Variants in STARD9 observed in about 807,000 individuals in gnomAD.
The protein encoded by STARD9 is stAR-related lipid transfer protein 9.
Under a neutral mutation model 399.8 loss-of-function variants are expected in STARD9, and 346 were observed. That is an observed-to-expected ratio of 0.87 (90% CI 0.79 to 0.95). The LOEUF (loss-of-function observed/expected upper bound fraction) is 0.95, where lower values mean the gene tolerates loss of function less well. Ranked by LOEUF, STARD9 falls within the 40% of genes least tolerant of loss-of-function variation. The pLI is 0.00. For missense variants in STARD9, 5,832 were observed against 5,667.5 expected (o/e 1.03, Z -0.93); for synonymous variants, 2,203 against 2,143.5 (o/e 1.03, Z -0.77).
At chr15:42,713,140 TAA>T (rs1262127788) in intron 26 of STARD9, among the ~76,000 whole-genome samples, 3 of 152,252 alleles carry the variant, frequency 2.0e-5, no homozygotes, top group African/African-American at 7.2e-5. Flanking sequence ...TTTCAGAGTA[TAA>T]GTTTTATGCT....
At chr15:42,590,935 C>G (rs2058380961) in intron 3 of STARD9, among the ~76,000 whole-genome samples, 1 of 152,186 alleles carries the variant, frequency 6.6e-6, no homozygotes, top group African/African-American at 2.4e-5. Context: ...CATTGGGGGT[C>G]ACATTTCAAC....
At chr15:42,615,215 G>A (rs1027710534) in intron 3 of STARD9, among the ~76,000 whole-genome samples, 7 of 151,842 alleles carry the variant, frequency 4.6e-5, no homozygotes, top group African/African-American at 1.7e-4. Context: ...TCACTATGTT[G>A]GCCAGTCTGG....
At chr15:42,694,919 C>T (rs2060808193) in intron 24 of STARD9, among the ~76,000 whole-genome samples, 194 bp downstream of exon 24, 1 of 152,154 alleles carries the variant, frequency 6.6e-6, no homozygotes, top group African/African-American at 2.4e-5. Context: ...GACAGAAGGG[C>T]TCTGACATGC....
intron 16 of STARD9, chr15:42,673,920 C>T (rs2060255685): frequency 2.2e-6 from 1 of 456,292 alleles, no homozygotes; most frequent in Admixed American, 2.4e-5. Flanking sequence ...TTTTACCCTT[C>T]TTAGAATCTG....
chr15:42,604,626 A>ATTTTTTT (rs11349330), intron 3 of STARD9, among the ~76,000 whole-genome samples: 1 of 54,746 alleles, frequency 1.8e-5, no homozygotes, highest in African/African-American at 5.8e-5. Context: ...GATCAAATTG[A>ATTTTTTT]TTTTTTTTTT....
At chr15:42,581,472 C>G (rs1192747710) in intron 1 of STARD9, 1 of 1,528,680 alleles carries the variant, frequency 6.5e-7, no homozygotes. Flanking sequence ...GTGGCCGCTG[C>G]CAGCGGAGGA....
chr15:42,642,758 A>G (rs543191003), intron 7 of STARD9, among the ~76,000 whole-genome samples: 2 of 152,296 alleles, frequency 1.3e-5, no homozygotes, highest in African/African-American at 4.8e-5. Flanking sequence ...TAGATATTCT[A>G]TATGCTTCTC....
At chr15:42,698,388 C>T (rs1424937913) in intron 26 of STARD9, among the ~76,000 whole-genome samples, 1 of 152,220 alleles carries the variant, frequency 6.6e-6, no homozygotes, top group East Asian at 1.9e-4. Flanking sequence ...CTCTCACCAA[C>T]ATGTTATCAA....
intron 1 of STARD9, chr15:42,581,523 G>T: frequency 7.2e-7 from 1 of 1,387,730 alleles, no homozygotes; most frequent in Non-Finnish European, 1.0e-6. Flanking sequence ...TTGTGTGGCG[G>T]GTAGGCGGCG....
intron 7 of STARD9, among the ~76,000 whole-genome samples, chr15:42,641,345 C>T (rs2059532348): frequency 6.6e-6 from 1 of 152,170 alleles, no homozygotes; most frequent in Non-Finnish European, 1.5e-5. Flanking sequence ...ATTACAAATA[C>T]AGGTGGACAT....
chr15:42,626,447 CTCCTCTTCCTTCTCCTCT>C (rs2059223860), intron 3 of STARD9, among the ~76,000 whole-genome samples: 1 of 149,742 alleles, frequency 6.7e-6, no homozygotes, highest in Non-Finnish European at 1.5e-5. Flanking sequence ...CCTTCTCCTC[CTCCTCTTCCTTCTCCTCT>C]TCCTCCTCTT....
chr15:42,590,758 G>A (rs2058377531), intron 3 of STARD9, among the ~76,000 whole-genome samples: 1 of 134,678 alleles, frequency 7.4e-6, no homozygotes, highest in Admixed American at 7.1e-5. Flanking sequence ...TTGTCACAGC[G>A]AGAGAGAGAG....
Position 42,685,463 on chromosome 15 carries a change from C to A in STARD9, c.3885C>A (p.Pro1295=). The A allele has an allele frequency of 6.5e-7, 1 of 1,531,056 alleles. No homozygotes were observed. The highest frequency in any genetic ancestry group is 8.7e-7 in the Non-Finnish European group (1 of 1,143,842). The allele number at this position is 1,531,056 out of a possible 1,614,324, so 94.8% of individuals were successfully genotyped here. Residue 1295 remains proline (P), a synonymous_variant, in exon 23 of 33, where the codon CCC becomes CCA. Coordinates refer to ENST00000290607, the MANE Select transcript of STARD9 (RefSeq NM_020759.3). Reference sequence around the variant, plus strand: ...TCCAACCCCATTGTGAGCTCCAACCCCATTGTGAGCTCCAGCCCCATTGTG... The same window carrying A: ...TCCAACCCCATTGTGAGCTCCAACCACATTGTGAGCTCCAGCCCCATTGTG... ...CELQPHCELQ[P]HCELQPHCEQ...
At chr15:42,616,848 G>C (rs571305062) in intron 3 of STARD9, among the ~76,000 whole-genome samples, 2 of 145,710 alleles carry the variant, frequency 1.4e-5, no homozygotes, top group East Asian at 4.0e-4. Context: ...CTGAGATCGC[G>C]TCACTGCACT....
intron 26 of STARD9, among the ~76,000 whole-genome samples, chr15:42,697,997 A>G (rs1237094029): frequency 6.6e-6 from 1 of 152,210 alleles, no homozygotes; most frequent in Admixed American, 6.5e-5. Context: ...TGCATACAAA[A>G]TAAAGCATAT....
At chr15:42,615,486 T>G (rs2058944680) in intron 3 of STARD9, among the ~76,000 whole-genome samples, 1 of 152,080 alleles carries the variant, frequency 6.6e-6, no homozygotes, top group Non-Finnish European at 1.5e-5. Flanking sequence ...CAGCATCCCA[T>G]TTTTTAGTTA....
chr15:42,594,137 A>G (rs1452131491), intron 3 of STARD9, among the ~76,000 whole-genome samples: 3 of 152,168 alleles, frequency 2.0e-5, no homozygotes, highest in South Asian at 2.1e-4. Context: ...TCTTTGGTGA[A>G]TATCTTTTCC....
chr15:42,696,389 G>A lies in STARD9; in HGVS notation c.13284+509G>A, dbSNP rs557912332. Among the ~76,000 whole-genome samples, 8 of 152,302 alleles carry A rather than the reference G, an allele frequency of 5.3e-5. No homozygotes were observed. The South Asian group carries it at 1.7e-3, about 32-fold the overall frequency. On this transcript the variant is annotated intron_variant, in intron 26 of 32. Transcript: ENST00000290607. ...TGGGCCTAGCAAGTGAGGCCTTGAGGAAGAAGAGTTTGAGGAACTCAATGA... is the reference window on the plus strand; with the variant it reads ...TGGGCCTAGCAAGTGAGGCCTTGAGAAAGAAGAGTTTGAGGAACTCAATGA...
At chr15:42,671,482 G>C (rs1024668359) in intron 16 of STARD9, 2 of 151,990 alleles carry the variant, frequency 1.3e-5, no homozygotes, top group Non-Finnish European at 2.9e-5. Context: ...CCATTGGCTG[G>C]GGTTGGGTCG....
Sources: gnomAD v4.1 joint callset for allele counts (sites outside exome capture counted in the v4.1 genomes callset) on GRCh38, gnomAD v4.1.1 for gene constraint, MANE v1.5 for transcripts, NCBI Gene and HGNC (gene_info 2026-07-23, HGNC 2026-07-21) for gene names.